The following DIS3L2 variants were observed in gnomAD, a reference collection of about 807,000 sequenced individuals.
DIS3L2 encodes the protein DIS3 like 3'-5' exoribonuclease 2.
Under a neutral mutation model 97.5 loss-of-function variants are expected in DIS3L2, and 34 were observed. The observed-to-expected ratio is 0.35, with a 90% CI of 0.27 to 0.46. DIS3L2 has a LOEUF of 0.46. DIS3L2 is among the 20% of genes least tolerant of loss of function. The pLI, the probability that DIS3L2 is intolerant of heterozygous loss-of-function variation, is 1.00. For missense variants in DIS3L2, 1,038 were observed against 1,146.0 expected, an observed-to-expected ratio of 0.91 and a Z score of 1.36; for synonymous variants, 435 against 445.2, an observed-to-expected ratio of 0.98 and a Z score of 0.29.
intron 9 of DIS3L2, among the ~76,000 whole-genome samples, chr2:232,188,564 G>A (rs1016616267): frequency 6.6e-6 from 1 of 152,200 alleles, no homozygotes; most frequent in African/African-American, 2.4e-5. Context: ...CATGCCTTAT[G>A]CAAAAGTTAA....
chr2:232,266,277 G>C (rs1314954524), intron 13 of DIS3L2, among the ~76,000 whole-genome samples: 1 of 152,152 alleles, frequency 6.6e-6, no homozygotes, highest in Non-Finnish European at 1.5e-5. Flanking sequence ...GCTGAAAATG[G>C]CTTTGGATAT....
intron 6 of DIS3L2, among the ~76,000 whole-genome samples, chr2:232,114,849 G>A (rs1307095233): frequency 1.3e-5 from 2 of 152,122 alleles, no homozygotes; most frequent in Non-Finnish European, 1.5e-5. Flanking sequence ...CTGAAACTGG[G>A]TAATTTATTA....
At chr2:232,056,174 C>T (rs371215185) in intron 5 of DIS3L2, among the ~76,000 whole-genome samples, 3 of 151,984 alleles carry the variant, frequency 2.0e-5, no homozygotes, top group African/African-American at 7.3e-5. Flanking sequence ...AGTTGGAGAC[C>T]AGCCTGGCCA....
Position 232,343,600 on chromosome 2 carries a change from C to T in DIS3L2, c.*25C>T, listed in dbSNP as rs558257234. ...AAGAAGCATGTGGAATTCCTTGTGG[C>T]GGAGAAGGAAAGATTATGGAAAGAA... On this transcript the variant is annotated 3_prime_UTR_variant, in exon 14 of 14. Transcript: ENST00000273009. The T allele has an allele frequency of 3.2e-4, 498 of 1,567,640 alleles. 1 individual carries two copies. The highest frequency in any genetic ancestry group is 4.0e-4 in the Non-Finnish European group (458 of 1,152,774).
At chr2:232,282,753 C>T (rs1694326324) in intron 13 of DIS3L2, among the ~76,000 whole-genome samples, 2 of 152,226 alleles carry the variant, frequency 1.3e-5, no homozygotes, top group African/African-American at 4.8e-5. Flanking sequence ...CAGTGTGCTG[C>T]TGGGGGCCTC....
At chr2:232,001,497 C>G (rs774098930) in intron 1 of DIS3L2, among the ~76,000 whole-genome samples, 2 of 140,976 alleles carry the variant, frequency 1.4e-5, no homozygotes, top group African/African-American at 5.4e-5. Flanking sequence ...TTCATTGTCT[C>G]TTTGCTCTGT....
intron 5 of DIS3L2, among the ~76,000 whole-genome samples, chr2:232,056,010 G>C (rs1695540813): frequency 6.6e-6 from 1 of 152,124 alleles, no homozygotes; most frequent in Non-Finnish European, 1.5e-5. Context: ...GAACAGTAAA[G>C]CTTTTCAAGG....
chr2:232,086,184 T>C (rs1334786332), intron 5 of DIS3L2, among the ~76,000 whole-genome samples: 1 of 147,176 alleles, frequency 6.8e-6, no homozygotes, highest in Non-Finnish European at 1.5e-5. Context: ...TACGTATATA[T>C]ACACACGTAT....
intron 8 of DIS3L2, among the ~76,000 whole-genome samples, chr2:232,161,021 GT>G (rs1690634185): frequency 1.3e-5 from 2 of 152,056 alleles, no homozygotes; most frequent in African/African-American, 2.4e-5. Flanking sequence ...GGGTTCAAGC[GT>G]TTCTCCTGTC....
chr2:232,306,534 T>G (rs1412703475), intron 14 of DIS3L2, among the ~76,000 whole-genome samples: 1 of 152,260 alleles, frequency 6.6e-6, no homozygotes, highest in Non-Finnish European at 1.5e-5. Flanking sequence ...AAATTATTAT[T>G]TTGGTATATT....
At chr2:232,335,721 G>T in intron 19 of DIS3L2, 52 bp from the exon 20 acceptor site, 1 of 1,532,284 alleles carries the variant, frequency 6.5e-7, no homozygotes, top group Non-Finnish European at 8.8e-7. Context: ...GGGTGGAAGG[G>T]CAGGCAGCAG....
intron 10 of DIS3L2, among the ~76,000 whole-genome samples, chr2:232,218,236 G>T (rs773651815): frequency 6.6e-6 from 1 of 152,108 alleles, no homozygotes; most frequent in African/African-American, 2.4e-5. Context: ...GAGGAACCGC[G>T]GATGAACACG....
chr2:232,243,729 A>T (rs1693170105), intron 11 of DIS3L2, among the ~76,000 whole-genome samples: 1 of 152,230 alleles, frequency 6.6e-6, no homozygotes, highest in African/African-American at 2.4e-5. Context: ...ACACAAGAAG[A>T]AGTAGGGAGA....
chr2:232,240,913 ATGTTTCCTTTTC>A (rs544101796), intron 11 of DIS3L2, among the ~76,000 whole-genome samples: 146 of 152,344 alleles, frequency 9.6e-4, no homozygotes, highest in East Asian at 8.7e-3. Flanking sequence ...GTAATTAAGC[ATGTTTCCTTTTC>A]TGTTTCCTTT....
downstream of DIS3L2, among the ~76,000 whole-genome samples, chr2:232,338,233 G>A (rs3020198): frequency 1.4e-4 from 21 of 152,022 alleles, no homozygotes; most frequent in Admixed American, 3.9e-4. Context: ...TGGGCTTCTC[G>A]GGCCAGGCTG....
chr2:232,134,595 C>T (rs1382475446), intron 7 of DIS3L2, among the ~76,000 whole-genome samples: 1 of 152,058 alleles, frequency 6.6e-6, no homozygotes, highest in African/African-American at 2.4e-5. Context: ...GAGGCCAAGG[C>T]GGGCAGATCT....
intron 6 of DIS3L2, among the ~76,000 whole-genome samples, chr2:232,107,455 T>G (rs1697385998): frequency 6.6e-6 from 1 of 152,206 alleles, no homozygotes; most frequent in East Asian, 1.9e-4. Flanking sequence ...ATCCCAGCCC[T>G]TTGGGAGCCT....
intron 9 of DIS3L2, chr2:232,198,426 C>G (rs1044025190): frequency 6.6e-6 from 1 of 151,962 alleles, no homozygotes; most frequent in Non-Finnish European, 1.5e-5. Context: ...GCTTACAGCC[C>G]CTTTGTTTTG....
At chr2:232,082,793 C>T (rs1165254016) in intron 5 of DIS3L2, among the ~76,000 whole-genome samples, 2 of 152,180 alleles carry the variant, frequency 1.3e-5, no homozygotes, top group African/African-American at 4.8e-5. Context: ...TTGCTGTACT[C>T]TGGTTGTTGC....
Sources: gnomAD v4.1 joint callset for allele counts (sites outside exome capture counted in the v4.1 genomes callset) on GRCh38, gnomAD v4.1.1 for gene constraint, MANE v1.5 for transcripts, NCBI Gene and HGNC (gene_info 2026-07-23, HGNC 2026-07-21) for gene names.